FBXL13: variants seen among roughly 807,000 people sequenced by gnomAD.
The protein encoded by FBXL13 is F-box and leucine-rich repeat protein 13.
FBXL13 carries 67 observed loss-of-function variants against 83.6 expected under a neutral mutation model. The observed-to-expected ratio is 0.80, with a 90% CI of 0.66 to 0.98. FBXL13 has a LOEUF of 0.98. FBXL13 is among the 50% of genes least tolerant of loss of function. FBXL13 has a pLI of 0.00. For synonymous variants in FBXL13, 272 were observed against 299.5 expected, an observed-to-expected ratio of 0.91 and a Z score of 0.95; for missense variants, 822 against 866.5, an observed-to-expected ratio of 0.95 and a Z score of 0.64.
intron 16 of FBXL13, among the ~76,000 whole-genome samples, chr7:102,865,027 T>C (rs1807428957): frequency 6.6e-6 from 1 of 152,228 alleles, no homozygotes. Context: ...ATTTTGCCAT[T>C]AGACTGTACC....
intron 6 of FBXL13, among the ~76,000 whole-genome samples, chr7:103,014,790 G>C (rs1159817688): frequency 6.6e-6 from 1 of 151,774 alleles, no homozygotes; most frequent in African/African-American, 2.4e-5. Flanking sequence ...GGGCAAGGTA[G>C]CGGGCGCCTG....
chr7:103,013,035 G>A (rs1791825648), intron 6 of FBXL13, among the ~76,000 whole-genome samples: 1 of 152,046 alleles, frequency 6.6e-6, no homozygotes, highest in South Asian at 2.1e-4. Context: ...CAAAGATCAA[G>A]AAAAGATAAA....
chr7:102,821,792 G>A (rs1798841081), intron 19 of FBXL13, among the ~76,000 whole-genome samples: 1 of 152,172 alleles, frequency 6.6e-6, no homozygotes, highest in South Asian at 2.1e-4. Context: ...TAGAGTTAAA[G>A]CTTTGGACAC....
intron 14 of FBXL13, among the ~76,000 whole-genome samples, chr7:102,881,087 T>A (rs1484763892): frequency 6.6e-6 from 1 of 152,218 alleles, no homozygotes; most frequent in African/African-American, 2.4e-5. Flanking sequence ...CGGATCTGAA[T>A]ATTTTTGGCA....
chr7:102,920,303 CT>C (rs1816731944), intron 10 of FBXL13, among the ~76,000 whole-genome samples: 1 of 152,144 alleles, frequency 6.6e-6, no homozygotes, highest in African/African-American at 2.4e-5. Flanking sequence ...GACAGAAATA[CT>C]GAGTACAGTG....
In FBXL13 at chr7:102,994,733, T is replaced by C. The variant is rs149131375; in HGVS notation, c.496-26616A>G. 3.8e-3 allele frequency among the ~76,000 whole-genome samples: 580 copies of C among 152,360 alleles called. 4 individuals are homozygous for C. The highest frequency in any genetic ancestry group is 7.0e-3 in the Non-Finnish European group (475 of 68,030). On this transcript the variant is annotated intron_variant, in intron 6 of 19. Transcript: ENST00000313221. ...TCAAACTGGCTTAGTTCTGATTGGT[T>C]GACACTTGCAGAGTTCTGATTGGTC...
intron 1 of FBXL13, among the ~76,000 whole-genome samples, chr7:103,062,223 T>C (rs1454895017): frequency 1.3e-5 from 2 of 152,176 alleles, no homozygotes; most frequent in African/African-American, 4.8e-5. Flanking sequence ...AATGTTTTTG[T>C]AGACCATAAT....
chr7:102,930,320 G>A (rs1266879277), intron 9 of FBXL13, among the ~76,000 whole-genome samples: 3 of 151,966 alleles, frequency 2.0e-5, no homozygotes, highest in Admixed American at 1.3e-4. Flanking sequence ...CTCCTATCTC[G>A]TTAGGGACTT....
chr7:102,841,989 C>CAAT (rs1803025252), intron 17 of FBXL13, among the ~76,000 whole-genome samples: 1 of 152,198 alleles, frequency 6.6e-6, no homozygotes, highest in Admixed American at 6.5e-5. Context: ...TTTCCTCTCC[C>CAAT]AATACCCTGT....
intron 17 of FBXL13, among the ~76,000 whole-genome samples, chr7:102,837,763 G>A (rs1024737874): frequency 3.9e-5 from 6 of 152,014 alleles, no homozygotes; most frequent in African/African-American, 1.2e-4. Context: ...GGCTGATCTC[G>A]AACTCCTGGC....
At chr7:102,856,101 C>A (rs1806013391) in intron 16 of FBXL13, among the ~76,000 whole-genome samples, 1 of 152,062 alleles carries the variant, frequency 6.6e-6, no homozygotes, top group African/African-American at 2.4e-5. Context: ...TCTTCAGTTT[C>A]TTCAGGAATA....
intron 17 of FBXL13, among the ~76,000 whole-genome samples, chr7:102,844,375 A>G (rs1173179204): frequency 6.6e-6 from 1 of 152,220 alleles, no homozygotes; most frequent in Non-Finnish European, 1.5e-5. Context: ...ATTCATCATT[A>G]CTAGAACTAA....
intron 17 of FBXL13, among the ~76,000 whole-genome samples, chr7:102,845,066 T>C (rs1803688402): frequency 6.6e-6 from 1 of 152,044 alleles, no homozygotes. Flanking sequence ...GGAAGTACTC[T>C]AAACCCTGTA....
rs183468061 is a variant in FBXL13, at chr7:102,969,846, G to A, written c.496-1729C>T. On this transcript the variant is annotated intron_variant, in intron 6 of 19. Transcript: ENST00000313221. ...GAGGAGAGGGGAGGGGAGGGGAGGGGAGGGGAGGGAAAAGAAAAGAAAAGA... is the reference window on the plus strand; with the variant it reads ...GAGGAGAGGGGAGGGGAGGGGAGGGAAGGGGAGGGAAAAGAAAAGAAAAGA... Among the ~76,000 whole-genome samples the A allele has an allele frequency of 1.1e-4, 13 of 115,508 alleles. No individual in the cohort carries two copies. The East Asian group carries it at 3.7e-3, about 33-fold the overall frequency. 75.8% of individuals were successfully genotyped at this position (115,508 alleles called of 152,430 possible). A position where few individuals can be genotyped will look rare whatever the true frequency, so the allele number is the denominator to read the frequency against.
At chr7:102,999,549 T>C (rs910863007) in intron 6 of FBXL13, among the ~76,000 whole-genome samples, 1 of 152,206 alleles carries the variant, frequency 6.6e-6, no homozygotes, top group Non-Finnish European at 1.5e-5. Context: ...AGGTCTGGCT[T>C]TCCTTTAATG....
chr7:102,944,290 G>A, intron 8 of FBXL13: 1 of 1,613,926 alleles, frequency 6.2e-7, no homozygotes, highest in African/African-American at 1.3e-5. Flanking sequence ...TGGCGTATTA[G>A]AAGACTTGTA....
chr7:103,036,760 C>T (rs189373397), intron 2 of FBXL13, among the ~76,000 whole-genome samples: 1 of 152,338 alleles, frequency 6.6e-6, no homozygotes, highest in African/African-American at 2.4e-5. Context: ...GATCTGCCCA[C>T]TTCGGCCTCC....
At chr7:102,959,552 C>T (rs144459240) in intron 8 of FBXL13, among the ~76,000 whole-genome samples, 2,289 of 152,070 alleles carry the variant, frequency 0.015, 25 homozygotes, top group Non-Finnish European at 0.023. Flanking sequence ...TCTCATGCAA[C>T]TTCATTTTAC....
intron 2 of FBXL13, among the ~76,000 whole-genome samples, chr7:103,038,447 T>C (rs369109676): frequency 6.6e-6 from 1 of 152,246 alleles, no homozygotes; most frequent in African/African-American, 2.4e-5. Flanking sequence ...CTGACAGCTC[T>C]GAAGAGAGCA....
Sources: gnomAD v4.1 joint callset for allele counts (sites outside exome capture counted in the v4.1 genomes callset) on GRCh38, gnomAD v4.1.1 for gene constraint, MANE v1.5 for transcripts, NCBI Gene and HGNC (gene_info 2026-07-23, HGNC 2026-07-21) for gene names.